Variants in FUT9 observed in about 807,000 individuals in gnomAD.
The protein encoded by FUT9 is fucosyltransferase 9.
FUT9 carries 15 observed loss-of-function variants against 29.7 expected under a neutral mutation model. That is an observed-to-expected ratio of 0.51 (90% confidence interval 0.34 to 0.78). The LOEUF is 0.78. FUT9 is among the 30% of genes least tolerant of loss of function. The pLI is 0.01. For missense variants in FUT9, 319 were observed against 425.4 expected (o/e 0.75, Z 2.20); for synonymous variants, 169 against 153.7 (o/e 1.10, Z -0.74).
At chr6:96,194,786 T>C (rs1582302141) in intron 2 of FUT9, among the ~76,000 whole-genome samples, 2 of 151,900 alleles carry the variant, frequency 1.3e-5, no homozygotes, top group Non-Finnish European at 1.5e-5. Flanking sequence ...AGCTAAGTTA[T>C]AAAAGACTGC....
chr6:96,112,721 G>A (rs1401009174), intron 1 of FUT9, among the ~76,000 whole-genome samples: 1 of 152,126 alleles, frequency 6.6e-6, no homozygotes, highest in Non-Finnish European at 1.5e-5. Context: ...AAGTATTTTC[G>A]GTTAGTTCTA....
intron 1 of FUT9, among the ~76,000 whole-genome samples, chr6:96,062,512 T>G (rs1240097618): frequency 6.6e-6 from 1 of 152,106 alleles, no homozygotes; most frequent in African/African-American, 2.4e-5. Context: ...GCTTTTTGTT[T>G]TATGTCATTC....
At chr6:96,102,553 C>T (rs1771605809) in intron 1 of FUT9, among the ~76,000 whole-genome samples, 1 of 152,084 alleles carries the variant, frequency 6.6e-6, no homozygotes, top group Admixed American at 6.6e-5. Flanking sequence ...CCCAAATGGG[C>T]CATGAGTTCA....
intron 1 of FUT9, among the ~76,000 whole-genome samples, chr6:96,080,226 A>C (rs963368198): frequency 3.9e-5 from 6 of 152,100 alleles, no homozygotes; most frequent in African/African-American, 1.4e-4. Context: ...GTTTCTAAAA[A>C]AAAAGCCAGA....
intron 2 of FUT9, among the ~76,000 whole-genome samples, chr6:96,187,820 T>C (rs1773431920): frequency 6.6e-6 from 1 of 152,148 alleles, no homozygotes; most frequent in Admixed American, 6.6e-5. Flanking sequence ...CCCCTTATTG[T>C]TTTTAGGCAA....
chr6:96,079,296 A>G (rs544532823), intron 1 of FUT9, among the ~76,000 whole-genome samples: 2 of 152,280 alleles, frequency 1.3e-5, no homozygotes, highest in South Asian at 2.1e-4. Context: ...TTTGGACACC[A>G]CAGCTATATT....
At chr6:96,150,644 T>C (rs2127976523) in intron 2 of FUT9, among the ~76,000 whole-genome samples, 1 of 152,258 alleles carries the variant, frequency 6.6e-6, no homozygotes, top group Non-Finnish European at 1.5e-5. Context: ...AACAATTTCT[T>C]AAAGTGGAGA....
chr6:96,142,360 C>T (rs1286356866), intron 2 of FUT9, among the ~76,000 whole-genome samples: 2 of 152,174 alleles, frequency 1.3e-5, no homozygotes, highest in African/African-American at 4.8e-5. Context: ...GTTATGAATA[C>T]TGGTCTGGGC....
chr6:96,211,938 T>C lies in FUT9; in HGVS notation c.*7703T>C, dbSNP rs1773944903. On this transcript the variant is annotated 3_prime_UTR_variant, in exon 3 of 3. Transcript: ENST00000302103. ...GAATTAGTTGTGTAAGTAAAGTAAGTTAAGTTATAGCTTGCTGGAATTTTA... is the reference window on the plus strand; with the variant it reads ...GAATTAGTTGTGTAAGTAAAGTAAGCTAAGTTATAGCTTGCTGGAATTTTA... The C allele has an allele frequency of 2.4e-6, 1 of 408,424 alleles. No individual in the cohort carries two copies. The highest frequency in any genetic ancestry group is 4.5e-6 in the Non-Finnish European group (1 of 223,174). 25.3% of individuals were successfully genotyped at this position (408,424 alleles called of 1,614,324 possible).
intron 1 of FUT9, among the ~76,000 whole-genome samples, chr6:96,058,081 G>A (rs954441393): frequency 6.6e-6 from 1 of 151,928 alleles, no homozygotes; most frequent in Non-Finnish European, 1.5e-5. Context: ...TTTATAACGG[G>A]TCAATAGCAG....
intron 1 of FUT9, among the ~76,000 whole-genome samples, chr6:96,072,932 C>G (rs1200871973): frequency 6.6e-6 from 1 of 152,126 alleles, no homozygotes; most frequent in African/African-American, 2.4e-5. Flanking sequence ...TCAGAGCCAG[C>G]ATATGTAGGG....
Position 96,113,924 on chromosome 6 carries a change from A to T in FUT9, c.-97-115A>T, listed in dbSNP as rs1044034984. On this transcript the variant is annotated intron_variant, in intron 1 of 2. Coordinates refer to ENST00000302103, the MANE Select transcript of FUT9 (RefSeq NM_006581.4). ...ACAAAGAACACAATAATACAGAAAG[A>T]TTTATGTTTTTAGCATGCATTATTT... The T allele has an allele frequency of 3.9e-5, 6 of 152,082 alleles. No individual in the cohort carries two copies. In the East Asian group the frequency reaches 7.8e-4, roughly 20 times the overall value. 9.4% of individuals were successfully genotyped at this position (152,082 alleles called of 1,614,324 possible). A position where few individuals can be genotyped will look rare whatever the true frequency, so the allele number is the denominator to read the frequency against.
intron 2 of FUT9, among the ~76,000 whole-genome samples, chr6:96,153,403 T>C (rs528311636): frequency 1.3e-5 from 2 of 152,230 alleles, no homozygotes; most frequent in East Asian, 1.9e-4. Flanking sequence ...CTAATTTATA[T>C]TTGGGGGATA....
chr6:96,123,298 A>G (rs1772067454), intron 2 of FUT9, among the ~76,000 whole-genome samples: 1 of 152,142 alleles, frequency 6.6e-6, no homozygotes, highest in African/African-American at 2.4e-5. Flanking sequence ...GGCTGTCAAT[A>G]TCTTAAACAA....
In FUT9 at chr6:96,214,461, T is replaced by C. The variant is rs1473542613; in HGVS notation, c.*10226T>C. On this transcript the variant is annotated 3_prime_UTR_variant, in exon 3 of 3. Coordinates refer to ENST00000302103, the MANE Select transcript of FUT9 (RefSeq NM_006581.4). ...AAAGTAGGCCTACCCTTTTACTTAT[T>C]AACTTAAGTAATAAAAATTGTATAA... The C allele has an allele frequency of 6.0e-6, 1 of 166,978 alleles. No individual in the cohort carries two copies. Among genetic ancestry groups the C allele is most frequent in the African/African-American group, 2.4e-5 (1 of 41,446 alleles). The allele number at this position is 166,978 out of a possible 1,614,324, so 10.3% of individuals were successfully genotyped here.
chr6:96,132,742 T>C (rs1347777585), intron 2 of FUT9, among the ~76,000 whole-genome samples: 1 of 152,120 alleles, frequency 6.6e-6, no homozygotes, highest in Non-Finnish European at 1.5e-5. Flanking sequence ...TGATATACTG[T>C]AATGTAATTT....
intron 2 of FUT9, among the ~76,000 whole-genome samples, chr6:96,139,172 C>A (rs1341570173): frequency 1.3e-5 from 2 of 152,138 alleles, no homozygotes; most frequent in East Asian, 3.9e-4. Flanking sequence ...ATACCTGTTC[C>A]AAGTGGGAGA....
At chr6:96,045,789 A>T (rs375624855) in intron 1 of FUT9, among the ~76,000 whole-genome samples, 4 of 152,158 alleles carry the variant, frequency 2.6e-5, no homozygotes, top group South Asian at 2.1e-4. Context: ...ATGCTGCAAG[A>T]CTTCAGAGGA....
chr6:96,152,069 C>T (rs1374051176), intron 2 of FUT9, among the ~76,000 whole-genome samples: 1 of 152,096 alleles, frequency 6.6e-6, no homozygotes, highest in Admixed American at 6.6e-5. Context: ...TGAAACTGTT[C>T]CCATTTTTAC....
Sources: gnomAD v4.1 joint callset for allele counts (sites outside exome capture counted in the v4.1 genomes callset) on GRCh38, gnomAD v4.1.1 for gene constraint, MANE v1.5 for transcripts, NCBI Gene and HGNC (gene_info 2026-07-23, HGNC 2026-07-21) for gene names.